The following CASK variants were observed in gnomAD, a reference collection of about 807,000 sequenced individuals.
The protein encoded by CASK is calcium/calmodulin dependent serine protein kinase.
In CASK, 4 loss-of-function variants were observed where a neutral mutation model predicts 82.9. That is an observed-to-expected ratio of 0.05 (90% CI 0.02 to 0.11). The LOEUF is 0.11. CASK is among the 10% of genes least tolerant of loss of function. The probability of loss-of-function intolerance (pLI) is 1.00; values close to 1 mark genes in which losing one functional copy is unlikely to be tolerated. For missense variants in CASK, 358 were observed against 720.9 expected (o/e 0.50, Z 5.76); for synonymous variants, 259 against 253.5 (o/e 1.02, Z -0.20).
At chrX:41,723,262 T>G (rs2068198969) in intron 5 of CASK, among the ~76,000 whole-genome samples, 1 of 111,937 alleles carries the variant, frequency 8.9e-6, no homozygotes, top group Non-Finnish European at 1.9e-5. Flanking sequence ...TAGATTTCTG[T>G]TCTCTTTTTC....
intron 6 of CASK, among the ~76,000 whole-genome samples, chrX:41,668,944 G>A (rs998941089): frequency 9.0e-6 from 1 of 110,521 alleles, no homozygotes; most frequent in Non-Finnish European, 1.9e-5. Flanking sequence ...GCCCAGGCTG[G>A]TCTTGAACTC....
chrX:41,568,257 GA>G (rs1158121226), intron 16 of CASK, among the ~76,000 whole-genome samples: 22 of 100,815 alleles, frequency 2.2e-4, no homozygotes, highest in Non-Finnish European at 2.9e-4. Flanking sequence ...AAAAAGAAAA[GA>G]AAAAAAAAAG....
In CASK at chrX:41,515,944, C is replaced by T. The variant is rs1394589552; in HGVS notation, c.*4476G>A. On this transcript the variant is annotated 3_prime_UTR_variant, in exon 27 of 27. Transcript: ENST00000378163. ...TGCTTGGGGCCAGAAAGGAGGTCTC[C>T]TGTGTGGTGACAAACATCTCTTTCC... 1 of 112,536 alleles carries T rather than the reference C, an allele frequency of 8.9e-6. No individual in the cohort carries two copies. Among genetic ancestry groups the T allele is most frequent in the Non-Finnish European group, 1.9e-5 (1 of 53,326 alleles). The allele number at this position is 112,536 out of a possible 1,213,427, so 9.3% of individuals were successfully genotyped here. A position where few individuals can be genotyped will look rare whatever the true frequency, so the allele number is the denominator to read the frequency against.
In CASK at chrX:41,748,928, G is replaced by A. The variant is rs557066662; in HGVS notation, c.279-3327C>T. Reference sequence around the variant, plus strand: ...TCTACACATGTGCATACACACATGGGGGTATTTTTAGGTTTCTACTTTCTT... The same window carrying A: ...TCTACACATGTGCATACACACATGGAGGTATTTTTAGGTTTCTACTTTCTT... On this transcript the variant is annotated intron_variant, in intron 3 of 26. Transcript: ENST00000378163. Among the ~76,000 whole-genome samples the A allele has an allele frequency of 1.6e-4, 18 of 111,735 alleles. 1 individual carries two copies. In the South Asian group the frequency reaches 6.3e-3, roughly 39 times the overall value.
chrX:41,555,813 C>A, intron 19 of CASK, 178 bp from the exon 20 acceptor site: 1 of 424,277 alleles, frequency 2.4e-6, no homozygotes, highest in Non-Finnish European at 4.2e-6. Flanking sequence ...CAAACCCAGG[C>A]CATTTAGCAG....
At chrX:41,544,544 C>G (rs2064992796) in intron 21 of CASK, among the ~76,000 whole-genome samples, 1 of 92,467 alleles carries the variant, frequency 1.1e-5, no homozygotes, top group Non-Finnish European at 2.1e-5. Context: ...CTAGCCTGGG[C>G]AACCGAGCGA....
intron 2 of CASK, among the ~76,000 whole-genome samples, chrX:41,811,778 C>CA (rs984276030): frequency 2.7e-5 from 3 of 110,915 alleles, no homozygotes; most frequent in Non-Finnish European, 5.7e-5. Flanking sequence ...AAAAACCCTT[C>CA]AAAAAATCAA....
At position 41,915,067 on chromosome X, in the gene CASK, C is replaced by G. The variant is rs73472563; in HGVS notation, c.59+7863G>C. Among the ~76,000 whole-genome samples, 468 of 111,590 alleles carry G rather than the reference C, an allele frequency of 4.2e-3. 1 individual carries two copies. Among genetic ancestry groups the G allele is most frequent in the African/African-American group, 0.014 (444 of 30,666 alleles). On this transcript the variant is annotated intron_variant, in intron 1 of 26. Coordinates refer to ENST00000378163, the MANE Select transcript of CASK (RefSeq NM_001367721.1). Reference sequence around the variant, plus strand: ...GCATTTTACATTATTGATCCTCCCCCCTCTTTTAAACTTCTGTGCAGCCCA... The same window carrying G: ...GCATTTTACATTATTGATCCTCCCCGCTCTTTTAAACTTCTGTGCAGCCCA...
intron 1 of CASK, among the ~76,000 whole-genome samples, chrX:41,864,613 G>T (rs1150382): frequency 0.19 from 21,190 of 111,162 alleles, 1,601 homozygotes; most frequent in Middle Eastern, 0.31. Flanking sequence ...AACAACTTTT[G>T]TCTGTAAGAA....
At chrX:41,757,531 T>C (rs2068921130) in intron 3 of CASK, among the ~76,000 whole-genome samples, 1 of 112,473 alleles carries the variant, frequency 8.9e-6, no homozygotes, top group Non-Finnish European at 1.9e-5. Flanking sequence ...TACGTATGTA[T>C]TTATTTATAA....
intron 5 of CASK, among the ~76,000 whole-genome samples, chrX:41,714,798 T>C (rs2068033978): frequency 1.8e-5 from 2 of 111,991 alleles, no homozygotes; most frequent in Non-Finnish European, 3.8e-5. Flanking sequence ...CTTTCTCACA[T>C]GATGTCAGAG....
At chrX:41,904,583 A>G (rs2072437417) in intron 1 of CASK, among the ~76,000 whole-genome samples, 2 of 112,164 alleles carry the variant, frequency 1.8e-5, no homozygotes, top group South Asian at 3.7e-4. Context: ...TAAGCTATCA[A>G]TTCTTCCCAA....
At chrX:41,549,433 T>G (rs2065065541) in intron 21 of CASK, among the ~76,000 whole-genome samples, 1 of 112,468 alleles carries the variant, frequency 8.9e-6, no homozygotes, top group Non-Finnish European at 1.9e-5. Context: ...CTATATATTT[T>G]GCAACTTTAA....
At chrX:41,624,887 T>C (rs898227498) in intron 10 of CASK, among the ~76,000 whole-genome samples, 2 of 111,358 alleles carry the variant, frequency 1.8e-5, no homozygotes, top group African/African-American at 6.5e-5. Flanking sequence ...CCAGTGGTAA[T>C]ATATGAATAT....
chrX:41,565,028 G>C (rs1012844062), intron 16 of CASK, among the ~76,000 whole-genome samples: 1 of 112,030 alleles, frequency 8.9e-6, no homozygotes, highest in Non-Finnish European at 1.9e-5. Context: ...GATGTTCTTT[G>C]AAACCAATGA....
At chrX:41,650,446 T>TG (rs925896984) in intron 8 of CASK, among the ~76,000 whole-genome samples, 9 of 99,766 alleles carry the variant, frequency 9.0e-5, no homozygotes, top group African/African-American at 3.6e-4. Flanking sequence ...CTGGTTTTTG[T>TG]GGTTTTTTTT....
chrX:41,919,236 A>G (rs769356508), intron 1 of CASK: 1 of 111,941 alleles, frequency 8.9e-6, no homozygotes, highest in East Asian at 2.8e-4. Context: ...ATTAAATAAA[A>G]GTGCTCTCGA....
intron 2 of CASK, among the ~76,000 whole-genome samples, chrX:41,790,445 G>A (rs1377499592): frequency 9.0e-6 from 1 of 111,617 alleles, no homozygotes; most frequent in African/African-American, 3.3e-5. Context: ...AGCAGAAATG[G>A]ATGCTCCATT....
At chrX:41,777,463 T>C (rs1370904328) in intron 3 of CASK, among the ~76,000 whole-genome samples, 1 of 99,737 alleles carries the variant, frequency 1.0e-5, no homozygotes, top group Admixed American at 1.2e-4. Context: ...CACTCCAGCC[T>C]GGGCGACAGA....
Sources: gnomAD v4.1 joint callset for allele counts (sites outside exome capture counted in the v4.1 genomes callset) on GRCh38, gnomAD v4.1.1 for gene constraint, MANE v1.5 for transcripts, NCBI Gene and HGNC (gene_info 2026-07-23, HGNC 2026-07-21) for gene names.